ADGRD1: variants seen among roughly 807,000 people sequenced by gnomAD.
ADGRD1 encodes adhesion G protein-coupled receptor D1, also known as G-protein coupled receptor 133.
Under a neutral mutation model 113.4 loss-of-function variants are expected in ADGRD1, and 77 were observed. The ratio of observed to expected loss-of-function variants is 0.68; its 90% CI spans 0.57 to 0.82. The LOEUF is 0.82. Ranked by LOEUF, ADGRD1 falls within the 40% of genes least tolerant of loss-of-function variation. The probability of loss-of-function intolerance (pLI) is 0.00; values close to 1 mark genes in which losing one functional copy is unlikely to be tolerated. For missense variants in ADGRD1, 1,036 were observed against 1,139.1 expected (o/e 0.91, Z 1.30); for synonymous variants, 474 against 475.0 (o/e 1.00, Z 0.03).
At chr12:130,964,126 G>C (rs1198063783) in intron 2 of ADGRD1, among the ~76,000 whole-genome samples, 1 of 151,946 alleles carries the variant, frequency 6.6e-6, no homozygotes, top group Non-Finnish European at 1.5e-5. Flanking sequence ...CTTTTTAATA[G>C]TAGGAGTTGT....
intron 13 of ADGRD1, among the ~76,000 whole-genome samples, chr12:131,045,560 C>G (rs911751813): frequency 2.0e-4 from 31 of 152,122 alleles, no homozygotes; most frequent in African/African-American, 7.0e-4. Context: ...AGGCCAGCCT[C>G]GCTCAGCACA....
At chr12:130,958,707 G>A (rs1869980394) in intron 2 of ADGRD1, among the ~76,000 whole-genome samples, 1 of 152,234 alleles carries the variant, frequency 6.6e-6, no homozygotes, top group South Asian at 2.1e-4. Context: ...GAGCGCTCAT[G>A]ACGGGCACGG....
chr12:130,972,918 G>A (rs1332228499), intron 4 of ADGRD1, among the ~76,000 whole-genome samples: 6 of 152,096 alleles, frequency 3.9e-5, no homozygotes, highest in South Asian at 2.1e-4. Context: ...TGGGACCAGC[G>A]GGAAATCAGA....
chr12:131,071,784 C>T (rs1489936523), intron 13 of ADGRD1, among the ~76,000 whole-genome samples: 1 of 152,126 alleles, frequency 6.6e-6, no homozygotes, highest in Non-Finnish European at 1.5e-5. Context: ...CTCTGGCTGA[C>T]AGCACTGAAC....
intron 13 of ADGRD1, chr12:131,026,874 T>C (rs576272973): frequency 2.6e-5 from 4 of 152,338 alleles, no homozygotes; most frequent in African/African-American, 9.6e-5. Flanking sequence ...ATTATATGAA[T>C]AGGCCACCGC....
At chr12:130,976,060 G>A (rs1428226711) in intron 4 of ADGRD1, among the ~76,000 whole-genome samples, 4 of 152,146 alleles carry the variant, frequency 2.6e-5, no homozygotes, top group East Asian at 3.8e-4. Flanking sequence ...ATCTCCGCAC[G>A]GCCATTTCCC....
At chr12:130,974,552 C>T (rs1872081387) in intron 4 of ADGRD1, among the ~76,000 whole-genome samples, 1 of 152,174 alleles carries the variant, frequency 6.6e-6, no homozygotes, top group Non-Finnish European at 1.5e-5. Context: ...CTCCGCCACA[C>T]TTATTGGTGT....
chr12:131,105,932 C>T, intron 17 of ADGRD1, 67 bp downstream of exon 17: 1 of 1,152,512 alleles, frequency 8.7e-7, no homozygotes. Flanking sequence ...CACCGGGTGG[C>T]ACCTTCTGCT....
chr12:131,108,875 G>A lies in ADGRD1; in HGVS notation c.2039G>A (p.Trp680Ter). ...SKHRYYYGMG[W>*]GFPLLICIIS... ...CACCGTTACTACTATGGGATGGGAT[G>A]GGGTAGGTGGGGCAGGGCAGGTGGG... Residue 680 changes from tryptophan to a stop codon, truncating the protein, a stop_gained and splice_region_variant, in exon 18 of 25, where the codon TGG becomes TAG. Transcript: ENST00000261654. LOFTEE classifies it high-confidence loss of function. The A allele has an allele frequency of 6.2e-7, 1 of 1,602,872 alleles. No individual in the cohort carries two copies.
intron 21 of ADGRD1, among the ~76,000 whole-genome samples, chr12:131,133,367 C>A (rs963959961): frequency 1.3e-5 from 2 of 152,228 alleles, no homozygotes; most frequent in South Asian, 4.1e-4. Flanking sequence ...TGCGCCCCAT[C>A]CTCCCATCAG....
rs372946128 is a variant in ADGRD1 at position 130,954,536 on chromosome 12, T to G, written c.66+5T>G. Reference sequence around the variant, plus strand: ...CTATTTTATTACAACTTTCAGGTAATGTCCCCAAGTGGCCAGGATGGCGAC... The same window carrying G: ...CTATTTTATTACAACTTTCAGGTAAGGTCCCCAAGTGGCCAGGATGGCGAC... On this transcript the variant is annotated splice_donor_5th_base_variant and intron_variant, in intron 1 of 24. Transcript: ENST00000261654. The surrounding 1 kb of genome is among the most constrained non-coding windows in gnomAD (Gnocchi z 4.7). 53 of 1,611,226 alleles carry G rather than the reference T, an allele frequency of 3.3e-5. No individual in the cohort carries two copies. Among genetic ancestry groups the G allele is most frequent in the Non-Finnish European group, 4.1e-5 (48 of 1,178,406 alleles).
chr12:131,043,750 G>A (rs760037620), intron 13 of ADGRD1, among the ~76,000 whole-genome samples: 47 of 152,190 alleles, frequency 3.1e-4, no homozygotes, highest in Admixed American at 1.0e-3. Context: ...GGGCTCGTGC[G>A]GCTGGGGAGC....
At chr12:131,116,859 C>T (rs1441892971) in intron 18 of ADGRD1, among the ~76,000 whole-genome samples, 1 of 152,242 alleles carries the variant, frequency 6.6e-6, no homozygotes, top group African/African-American at 2.4e-5. Flanking sequence ...GAGCAGGCCC[C>T]GTGGATGATG....
At chr12:131,104,797 C>G in intron 15 of ADGRD1, 34 bp from the exon 16 acceptor site, 1 of 1,468,186 alleles carries the variant, frequency 6.8e-7, no homozygotes, top group Non-Finnish European at 9.2e-7. Flanking sequence ...GGTGCCTGGG[C>G]CTGCTGCTGA....
chr12:131,075,749 G>A lies in ADGRD1; in HGVS notation c.1474-1052G>A, dbSNP rs1474750788. On this transcript the variant is annotated intron_variant, in intron 13 of 24. Coordinates refer to ENST00000261654, the MANE Select transcript of ADGRD1 (RefSeq NM_198827.5). The surrounding 1 kb of genome is among the most constrained non-coding windows in gnomAD (Gnocchi z 5.3). ...TGGTCGAGGCCAGGATGGCGCTCAT[G>A]AGGGGGGCTGCCCTCGTGGCTCTGT... 6.6e-6 allele frequency among the ~76,000 whole-genome samples: 1 copy of A among 152,226 alleles called. No homozygotes were observed. The highest frequency in any genetic ancestry group is 1.5e-5 in the Non-Finnish European group (1 of 68,036).
chr12:131,105,877 C>T lies in ADGRD1; in HGVS notation c.1887+12C>T. Reference sequence around the variant, plus strand: ...TCGAGCCGGGCACGGTGAGTGGGCGCAGCTCCGTGTTCCTGCGCTGTCCTT... The same window carrying T: ...TCGAGCCGGGCACGGTGAGTGGGCGTAGCTCCGTGTTCCTGCGCTGTCCTT... On this transcript the variant is annotated intron_variant, in intron 17 of 24. Coordinates refer to ENST00000261654, the MANE Select transcript of ADGRD1 (RefSeq NM_198827.5). 2 of 1,573,828 alleles carry T rather than the reference C, an allele frequency of 1.3e-6. No individual in the cohort carries two copies. Among genetic ancestry groups the T allele is most frequent in the Non-Finnish European group, 1.7e-6 (2 of 1,159,398 alleles).
chr12:130,979,319 G>T (rs2136578700), intron 4 of ADGRD1, among the ~76,000 whole-genome samples: 1 of 152,270 alleles, frequency 6.6e-6, no homozygotes, highest in South Asian at 2.1e-4. Flanking sequence ...AAAATAAAAT[G>T]GGGAAATTCC....
chr12:131,061,719 C>T (rs1884347005), intron 13 of ADGRD1, among the ~76,000 whole-genome samples: 1 of 152,182 alleles, frequency 6.6e-6, no homozygotes, highest in Admixed American at 6.5e-5. Flanking sequence ...GGTGTAAATT[C>T]ATGGAATCAC....
intron 20 of ADGRD1, among the ~76,000 whole-genome samples, chr12:131,131,231 T>C (rs1455858713): frequency 2.6e-5 from 4 of 152,236 alleles, no homozygotes; most frequent in Admixed American, 6.5e-5. Flanking sequence ...TGGCAGGAGA[T>C]GATGCCCCTC....
Sources: allele counts gnomAD v4.1 joint callset (sites outside exome capture counted in the v4.1 genomes callset), GRCh38; gene constraint gnomAD v4.1.1; non-coding constraint Gnocchi (gnomAD v3.1); transcripts MANE v1.5; gene names NCBI Gene and HGNC (gene_info 2026-07-23, HGNC 2026-07-21).